THNSL2: variants seen among roughly 807,000 people sequenced by gnomAD.
THNSL2 encodes the protein threonine synthase-like 2.
Under a neutral mutation model 40.0 loss-of-function variants are expected in THNSL2, and 34 were observed. The ratio of observed to expected loss-of-function variants is 0.85; its 90% CI spans 0.65 to 1.13. THNSL2 has a LOEUF of 1.13. Among genes scored for constraint, THNSL2 ranks in the 50% most tolerant of loss-of-function variants. The probability of loss-of-function intolerance (pLI) is 0.00; values close to 1 mark genes in which losing one functional copy is unlikely to be tolerated. For missense variants in THNSL2, 537 were observed against 608.8 expected (o/e 0.88, Z 1.24); for synonymous variants, 241 against 247.5 (o/e 0.97, Z 0.25).
intron 2 of THNSL2, among the ~76,000 whole-genome samples, chr2:88,173,597 T>C (rs1183267863): frequency 6.6e-6 from 1 of 151,946 alleles, no homozygotes; most frequent in Non-Finnish European, 1.5e-5. Flanking sequence ...GAGAATTCTT[T>C]CTTTCTCTCT....
At chr2:88,181,969 G>A (rs543547235) in intron 5 of THNSL2, among the ~76,000 whole-genome samples, 38 of 152,230 alleles carry the variant, frequency 2.5e-4, no homozygotes, top group African/African-American at 7.5e-4. Context: ...TTTTTCGATT[G>A]TATGGATATA....
chr2:88,173,796 C>G lies in THNSL2; in HGVS notation c.223+423C>G, dbSNP rs1297238665. 2.6e-5 allele frequency among the ~76,000 whole-genome samples: 4 copies of G among 152,284 alleles called. No individual in the cohort carries two copies. The South Asian group carries it at 6.2e-4, about 24-fold the overall frequency. ...GGACTTCAAGACTGTCCTGGACCAG[C>G]TTGTCTTAAGCTCTACTGTGCCTAT... On this transcript the variant is annotated intron_variant, in intron 2 of 8. Coordinates refer to ENST00000674334, the MANE Select transcript of THNSL2 (RefSeq NM_018271.5).
intron 5 of THNSL2, among the ~76,000 whole-genome samples, chr2:88,180,708 C>T (rs73949230): frequency 0.026 from 3,937 of 152,298 alleles, 170 homozygotes; most frequent in African/African-American, 0.089. Flanking sequence ...AACAATGTCA[C>T]GTGTCCGGGC....
chr2:88,178,748 TC>T (rs1308042828), intron 4 of THNSL2, 34 bp from the exon 5 acceptor site: 1 of 1,612,024 alleles, frequency 6.2e-7, no homozygotes, highest in Non-Finnish European at 8.5e-7. Flanking sequence ...TTCTACATGC[TC>T]CTGACAGCTG....
rs979373211 is a variant in THNSL2 at position 88,174,796 on chromosome 2, C to T, written c.381C>T (p.Phe127=). ...GCACAACACAGTTCCTGCAGTACTT[C>T]CTGGAGAAGAGGGAGAAGCACGTCA... ...LSCTTQFLQY[F]LEKREKHVTV... The change falls in exon 3 of 9, where the codon TTC becomes TTT. Residue 127 remains phenylalanine, a synonymous_variant. Coordinates refer to ENST00000674334, the MANE Select transcript of THNSL2 (RefSeq NM_018271.5). The T allele has an allele frequency of 1.2e-6, 2 of 1,614,116 alleles. No individual in the cohort carries two copies. The highest frequency in any genetic ancestry group is 1.7e-6 in the Non-Finnish European group (2 of 1,180,004).
chr2:88,173,282 C>G lies in THNSL2; in HGVS notation c.132C>G (p.Cys44Trp). The change falls in exon 2 of 9, where the codon TGC (cysteine) becomes TGG (tryptophan). Residue 44 changes from cysteine (C) to tryptophan (W), a missense_variant. Physicochemically the swap from Cys to Trp is radical, Grantham distance 215. Coordinates refer to ENST00000674334, the MANE Select transcript of THNSL2 (RefSeq NM_018271.5). ...ELPQLDRGTLCQWSTLSYPGL... is the reference protein window; with the variant it reads ...ELPQLDRGTLWQWSTLSYPGL... ...CACAGTTGGACAGAGGGACCCTGTG[C>G]CAGTGGAGCACACTCTCCTATCCTG... 7 of 1,612,500 alleles carry G rather than the reference C, an allele frequency of 4.3e-6. No homozygotes were observed. Among genetic ancestry groups the G allele is most frequent in the African/African-American group, 1.3e-5 (1 of 75,002 alleles).
chr2:88,173,070 G>A lies in THNSL2; in HGVS notation c.-12-69G>A. 3 of 1,108,492 alleles carry A rather than the reference G, an allele frequency of 2.7e-6. No individual in the cohort carries two copies. The Admixed American group carries it at 7.2e-5, about 27-fold the overall frequency. The allele number at this position is 1,108,492 out of a possible 1,614,324, so 68.7% of individuals were successfully genotyped here. A position where few individuals can be genotyped will look rare whatever the true frequency, so the allele number is the denominator to read the frequency against. ...AGAGGCTAACTGTGAGACTGTGTGT[G>A]CTTTGGCTTTGCCCGGTGGGGTGTG... is the stretch of plus-strand genomic sequence containing the variant. On this transcript the variant is annotated intron_variant, in intron 1 of 8. Transcript: ENST00000674334.
chr2:88,175,576 C>T (rs1676838616), intron 4 of THNSL2, 175 bp downstream of exon 4: 7 of 698,718 alleles, frequency 1.0e-5, no homozygotes, highest in African/African-American at 1.8e-5. Context: ...GTTCTGGCTA[C>T]ACAGTAAACT....
At chr2:88,178,095 A>G (rs923716979) in intron 4 of THNSL2, among the ~76,000 whole-genome samples, 2 of 152,124 alleles carry the variant, frequency 1.3e-5, no homozygotes, top group East Asian at 3.9e-4. Context: ...TAAGAAATCA[A>G]TATTGGCTTG....
At position 88,174,715 on chromosome 2, in the gene THNSL2, C is replaced by T. The variant is rs766842689; in HGVS notation, c.300C>T (p.Asn100=). ...TGTCCAGGTTGAGGAATGGGCTGAA[C>T]GTGTTGGAGCTGTGGCATGGCGTCA... ...VHLSRLRNGL[N]VLELWHGVTY... The change falls in exon 3 of 9, where the codon AAC becomes AAT. Residue 100 remains asparagine (N), a synonymous_variant. Transcript: ENST00000674334. 1.6e-5 allele frequency: 26 copies of T among 1,614,008 alleles called. No individual in the cohort carries two copies. The highest frequency in any genetic ancestry group is 1.6e-4 in the East Asian group (7 of 44,898).
chr2:88,174,331 CCT>C lies in THNSL2; in HGVS notation c.224-307_224-306del, dbSNP rs558689217. ...GTGTTATGTAGCTATTTAATTGACC[CCT>C]GATTGGAATACATGCTCACGAGACA... On this transcript the variant is annotated intron_variant, in intron 2 of 8. Coordinates refer to ENST00000674334, the MANE Select transcript of THNSL2 (RefSeq NM_018271.5). Among the ~76,000 whole-genome samples, 29 of 152,134 alleles carry C rather than the reference CCT, an allele frequency of 1.9e-4. 1 individual carries two copies. The South Asian group carries it at 5.4e-3, about 28-fold the overall frequency.
chr2:88,181,551 CCTCTCTCTCCT>C (rs1558895947), intron 5 of THNSL2, among the ~76,000 whole-genome samples: 4 of 83,558 alleles, frequency 4.8e-5, no homozygotes, highest in Admixed American at 1.4e-4. Flanking sequence ...CTCTCTCTCC[CCTCTCTCTCCT>C]CTCTCTCTTG....
At chr2:88,185,531 C>T in intron 8 of THNSL2, 52 bp downstream of exon 8, 1 of 1,560,270 alleles carries the variant, frequency 6.4e-7, no homozygotes, top group Non-Finnish European at 8.7e-7. Context: ...ATTTCAGGGG[C>T]CCTCTTCTTC....
intron 4 of THNSL2, 74 bp downstream of exon 4, chr2:88,175,475 G>A (rs756595512): frequency 6.4e-7 from 1 of 1,567,462 alleles, no homozygotes. Context: ...AGATGGACTG[G>A]AACAAAATTG....
chr2:88,181,139 TCTCC>T (rs1459274544), intron 5 of THNSL2, among the ~76,000 whole-genome samples: 2 of 82,802 alleles, frequency 2.4e-5, no homozygotes, highest in African/African-American at 5.7e-5. Context: ...CTCCTCTCTC[TCTCC>T]TCTCTCTCTC....
At chr2:88,183,685 TG>T (rs923456823) in intron 7 of THNSL2, 19 of 152,122 alleles carry the variant, frequency 1.2e-4, no homozygotes, top group African/African-American at 4.6e-4. Context: ...TTATTTTTCT[TG>T]GAAAAGGAGA....
chr2:88,182,796 C>T lies in THNSL2; in HGVS notation c.900C>T (p.Phe300=), dbSNP rs1677835770. ...IIHRTVQQGD[F]SLSEAVKSTL... Reference sequence around the variant, plus strand: ...ACAGGACTGTCCAGCAGGGAGACTTCTCTCTCTCTGAGGCTGTTAAATCAA... The same window carrying T: ...ACAGGACTGTCCAGCAGGGAGACTTTTCTCTCTCTGAGGCTGTTAAATCAA... The change falls in exon 6 of 9, where the codon TTC becomes TTT. Residue 300 remains phenylalanine, a synonymous_variant. Coordinates refer to ENST00000674334, the MANE Select transcript of THNSL2 (RefSeq NM_018271.5). 1 of 1,613,924 alleles carries T rather than the reference C, an allele frequency of 6.2e-7. No individual in the cohort carries two copies. Among genetic ancestry groups the T allele is most frequent in the Non-Finnish European group, 8.5e-7 (1 of 1,179,970 alleles).
chr2:88,171,244 G>A (rs1676337255), intron 1 of THNSL2: 4 of 456,022 alleles, frequency 8.8e-6, no homozygotes, highest in Non-Finnish European at 1.8e-5. Flanking sequence ...GAATTGGCCT[G>A]GGAATGCTGC....
At chr2:88,176,520 A>T (rs1193287073) in intron 4 of THNSL2, 1 of 152,202 alleles carries the variant, frequency 6.6e-6, no homozygotes, top group Admixed American at 6.5e-5. Context: ...TAGTTTGGTC[A>T]CTCACCTGAC....
Sources: allele counts gnomAD v4.1 joint callset (sites outside exome capture counted in the v4.1 genomes callset), GRCh38; gene constraint gnomAD v4.1.1; transcripts MANE v1.5; gene names NCBI Gene and HGNC (gene_info 2026-07-23, HGNC 2026-07-21).